The following MRPS28 variants were observed in gnomAD, a reference collection of about 807,000 sequenced individuals.
MRPS28 encodes the protein mitochondrial ribosomal protein S28.
In MRPS28, 7 loss-of-function variants were observed where a neutral mutation model predicts 10.8. The observed-to-expected ratio is 0.65, with a 90% CI of 0.37 to 1.22. MRPS28 has a LOEUF of 1.22. MRPS28 is among the 50% of genes most tolerant of loss of function. The probability of loss-of-function intolerance (pLI) is 0.02; values close to 1 mark genes in which losing one functional copy is unlikely to be tolerated. For synonymous variants in MRPS28, 121 were observed against 93.3 expected, an observed-to-expected ratio of 1.30 and a Z score of -1.71; for missense variants, 265 against 232.9, an observed-to-expected ratio of 1.14 and a Z score of -0.90.
At chr8:80,002,876 A>G (rs1224727740) in intron 2 of MRPS28, 123 bp downstream of exon 2, 2 of 826,034 alleles carry the variant, frequency 2.4e-6, no homozygotes, top group Non-Finnish European at 3.6e-6. Context: ...TTACTGCAGC[A>G]TTATCAAGAC....
chr8:79,994,603 T>C (rs549225290), intron 2 of MRPS28, among the ~76,000 whole-genome samples: 15 of 152,274 alleles, frequency 9.9e-5, no homozygotes, highest in African/African-American at 3.6e-4. Flanking sequence ...ATTTAATTCA[T>C]ATTCTCATCA....
intron 1 of MRPS28, among the ~76,000 whole-genome samples, chr8:80,020,017 G>A (rs917573563): frequency 2.6e-5 from 4 of 152,274 alleles, no homozygotes; most frequent in Admixed American, 2.0e-4. Context: ...CAATCAATAC[G>A]TGTAAGATGT....
At chr8:79,983,634 C>T (rs1440695175) in intron 2 of MRPS28, among the ~76,000 whole-genome samples, 1 of 152,108 alleles carries the variant, frequency 6.6e-6, no homozygotes, top group African/African-American at 2.4e-5. Flanking sequence ...AATGCAGAAG[C>T]CTCAGGAGCT....
chr8:79,968,128 C>T (rs760850368), intron 2 of MRPS28, among the ~76,000 whole-genome samples: 10 of 152,234 alleles, frequency 6.6e-5, no homozygotes, highest in African/African-American at 1.4e-4. Context: ...AACAATACCA[C>T]GGTCTTAATT....
In MRPS28 at chr8:79,999,487, T is replaced by C. The variant is rs75515763; in HGVS notation, c.395+3512A>G. On this transcript the variant is annotated intron_variant, in intron 2 of 2. Transcript: ENST00000276585. ...TCAAAGCATAAGTGACAGATCCCTA[T>C]AAGAAACCTAGAGAAGGGTTTTGGA... Among the ~76,000 whole-genome samples, 962 of 152,300 alleles carry C rather than the reference T, an allele frequency of 6.3e-3. 16 individuals carry two copies. Among genetic ancestry groups the C allele is most frequent in the East Asian group, 0.057 (296 of 5,186 alleles).
intron 2 of MRPS28, among the ~76,000 whole-genome samples, chr8:79,996,903 T>C (rs1279818490): frequency 6.6e-6 from 1 of 152,220 alleles, no homozygotes. Flanking sequence ...TACACAGCCC[T>C]AGATTTGAAT....
chr8:80,029,945 T>C, intron 1 of MRPS28, 91 bp downstream of exon 1: 1 of 1,539,098 alleles, frequency 6.5e-7, no homozygotes, highest in Non-Finnish European at 8.7e-7. Context: ...CAGCTCCCCT[T>C]CCTAAGCCAG....
intron 2 of MRPS28, among the ~76,000 whole-genome samples, chr8:79,928,257 G>T (rs542753125): frequency 2.0e-5 from 3 of 152,250 alleles, no homozygotes; most frequent in Admixed American, 2.0e-4. Flanking sequence ...CCTGAGCCCA[G>T]GAGTTCAAGT....
intron 1 of MRPS28, chr8:80,029,807 G>C (rs912980973): frequency 1.3e-6 from 2 of 1,527,200 alleles, no homozygotes; most frequent in Non-Finnish European, 8.8e-7. Context: ...AGTGTGGACA[G>C]ACCCGGCCCA....
intron 2 of MRPS28, among the ~76,000 whole-genome samples, chr8:79,923,838 C>T (rs1243576126): frequency 6.6e-6 from 1 of 152,122 alleles, no homozygotes; most frequent in African/African-American, 2.4e-5. Flanking sequence ...AACGAGACTG[C>T]ATGTCTGAGC....
At chr8:79,933,977 C>T (rs756228694) in intron 2 of MRPS28, among the ~76,000 whole-genome samples, 1 of 152,132 alleles carries the variant, frequency 6.6e-6, no homozygotes, top group East Asian at 1.9e-4. Flanking sequence ...CCTGAAACTA[C>T]GACTGAAATC....
chr8:80,011,675 C>T (rs1187729526), intron 1 of MRPS28, among the ~76,000 whole-genome samples: 1 of 152,018 alleles, frequency 6.6e-6, no homozygotes. Context: ...ATCACTTGAA[C>T]CCAGGAGGCG....
intron 2 of MRPS28, among the ~76,000 whole-genome samples, chr8:79,929,027 C>T (rs1373734365): frequency 1.3e-5 from 2 of 152,082 alleles, no homozygotes; most frequent in East Asian, 1.9e-4. Flanking sequence ...GCCTGAGTAA[C>T]AAAGCGAGAC....
In MRPS28 at chr8:80,030,245, C is replaced by T. The variant is rs1257481433; in HGVS notation, c.4G>A (p.Ala2Thr). 1 of 1,614,064 alleles carries T rather than the reference C, an allele frequency of 6.2e-7. No homozygotes were observed. Among genetic ancestry groups the T allele is most frequent in the African/African-American group, 1.3e-5 (1 of 74,952 alleles). M[A>T]ALCRTRAVAA... is the part of the protein sequence containing the mutation. ...ACAGCACGGGTCCGACACAGCGCCG[C>T]CATGACTTCTTTACCTCTGACCTTT... Residue 2 changes from alanine to threonine, a missense_variant, in exon 1 of 3, where the codon GCG (alanine) becomes ACG (threonine). Transcript: ENST00000276585.
rs115585735 is a variant in MRPS28, at chr8:80,015,787, G to A, written c.214-12607C>T. On this transcript the variant is annotated intron_variant, in intron 1 of 2. Coordinates refer to ENST00000276585, the MANE Select transcript of MRPS28 (RefSeq NM_014018.3). ...TGATTAAGACACTAAGGGCTCTAAC[G>A]GAAGAAATAAGATGTAAGAACAGAT... is the stretch of plus-strand genomic sequence containing the variant. Among the ~76,000 whole-genome samples the A allele has an allele frequency of 5.7e-3, 861 of 152,254 alleles. 10 individuals carry two copies. Among genetic ancestry groups the A allele is most frequent in the African/African-American group, 0.02 (832 of 41,544 alleles).
chr8:79,960,151 C>T (rs1220817321), intron 2 of MRPS28, among the ~76,000 whole-genome samples: 1 of 152,140 alleles, frequency 6.6e-6, no homozygotes, highest in Non-Finnish European at 1.5e-5. Flanking sequence ...ATGACAGGTA[C>T]TCTTGCTTCC....
chr8:79,974,920 T>C (rs1169386664), intron 2 of MRPS28, among the ~76,000 whole-genome samples: 1 of 152,228 alleles, frequency 6.6e-6, no homozygotes. Context: ...TCACAAATAT[T>C]ACATTTTTTA....
chr8:79,973,563 C>T (rs2130048064), intron 2 of MRPS28, among the ~76,000 whole-genome samples: 1 of 152,254 alleles, frequency 6.6e-6, no homozygotes, highest in East Asian at 1.9e-4. Context: ...ACAGATCTTC[C>T]CACCTCAGTC....
chr8:79,990,300 G>A (rs1411594665), intron 2 of MRPS28, among the ~76,000 whole-genome samples: 2 of 152,216 alleles, frequency 1.3e-5, no homozygotes, highest in African/African-American at 4.8e-5. Flanking sequence ...TTTAGCATGA[G>A]TTACCGAGTC....
Sources: allele counts gnomAD v4.1 joint callset (sites outside exome capture counted in the v4.1 genomes callset), GRCh38; gene constraint gnomAD v4.1.1; transcripts MANE v1.5; gene names NCBI Gene and HGNC (gene_info 2026-07-23, HGNC 2026-07-21).